The following PRDM16 variants were observed in gnomAD, a reference collection of about 807,000 sequenced individuals.
PRDM16 encodes histone-lysine N-methyltransferase PRDM16.
A neutral mutation model predicts 110.6 loss-of-function variants in PRDM16; 23 were observed. The observed-to-expected ratio is 0.21, with a 90% confidence interval of 0.15 to 0.29. The LOEUF is 0.29. Ranked by LOEUF, PRDM16 falls within the 10% of genes least tolerant of loss-of-function variation. The pLI, the probability that PRDM16 is intolerant of heterozygous loss-of-function variation, is 1.00. For missense variants in PRDM16, 1,615 were observed against 1,794.3 expected (o/e 0.90, Z 1.81); for synonymous variants, 799 against 781.8 (o/e 1.02, Z -0.37).
At chr1:3,272,868 A>T (rs1225492756) in intron 3 of PRDM16, among the ~76,000 whole-genome samples, 1 of 152,164 alleles carries the variant, frequency 6.6e-6, no homozygotes, top group African/African-American at 2.4e-5. Context: ...GGGGACACAG[A>T]GGCCTGGTGG....
intron 3 of PRDM16, among the ~76,000 whole-genome samples, chr1:3,376,051 T>C (rs1379044763): frequency 6.6e-6 from 1 of 152,010 alleles, no homozygotes; most frequent in Non-Finnish European, 1.5e-5. Flanking sequence ...GGGGAGATGG[T>C]CAGTGCACCC....
At chr1:3,387,143 A>G (rs1476990449) in intron 4 of PRDM16, among the ~76,000 whole-genome samples, 1 of 152,162 alleles carries the variant, frequency 6.6e-6, no homozygotes, top group African/African-American at 2.4e-5. Context: ...GCCAGGATGG[A>G]AGAATGATCC....
intron 1 of PRDM16, among the ~76,000 whole-genome samples, chr1:3,114,488 G>A (rs376872048): frequency 5.5e-4 from 79 of 142,600 alleles, no homozygotes; most frequent in African/African-American, 1.6e-3. Flanking sequence ...AGACACGCAC[G>A]CACGCACACA....
chr1:3,418,096 G>A (rs556676589), intron 11 of PRDM16, 99 bp downstream of exon 11: 17 of 1,022,458 alleles, frequency 1.7e-5, no homozygotes, highest in African/African-American at 8.1e-5. Flanking sequence ...TCAGAGTCCC[G>A]GCCATAGGAA....
In PRDM16 at chr1:3,370,794, C is replaced by A. The variant is rs565601143; in HGVS notation, c.439-14358C>A. Among the ~76,000 whole-genome samples the A allele has an allele frequency of 6.6e-6, 1 of 152,284 alleles. No individual in the cohort carries two copies. Among genetic ancestry groups the A allele is most frequent in the Admixed American group, 6.5e-5 (1 of 15,296 alleles). Reference sequence around the variant, plus strand: ...TTGAGGGGAGGGTCTGCTCCCCATCCATCCATCCACTCATTTATTAATCCA... The same window carrying A: ...TTGAGGGGAGGGTCTGCTCCCCATCAATCCATCCACTCATTTATTAATCCA... On this transcript the variant is annotated intron_variant, in intron 3 of 16. Coordinates refer to ENST00000270722, the MANE Select transcript of PRDM16 (RefSeq NM_022114.4). The surrounding 1 kb of genome is among the most constrained non-coding windows in gnomAD (Gnocchi z 4.8).
At chr1:3,164,691 G>C (rs1006982308) in intron 1 of PRDM16, among the ~76,000 whole-genome samples, 7 of 152,136 alleles carry the variant, frequency 4.6e-5, no homozygotes, top group Non-Finnish European at 1.0e-4. Context: ...GTGGTCGAGC[G>C]AGGTGACCTG....
chr1:3,270,082 A>AGAGGATGACAGTCAGG (rs1014729352), intron 3 of PRDM16, among the ~76,000 whole-genome samples: 5 of 150,104 alleles, frequency 3.3e-5, no homozygotes, highest in Non-Finnish European at 5.9e-5. Flanking sequence ...GGACAGTCCC[A>AGAGGATGACAGTCAGG]GAGGATGACA....
chr1:3,231,366 T>C (rs2100886026), intron 2 of PRDM16, among the ~76,000 whole-genome samples: 1 of 90,354 alleles, frequency 1.1e-5, no homozygotes, highest in Middle Eastern at 5.6e-3. Context: ...CGTTGCTGTT[T>C]GCATCTTCCC....
chr1:3,128,807 G>A (rs1016716537), intron 1 of PRDM16, among the ~76,000 whole-genome samples: 1 of 152,244 alleles, frequency 6.6e-6, no homozygotes, highest in Non-Finnish European at 1.5e-5. Flanking sequence ...CCTGAAGAGT[G>A]GACAGCTATC....
In PRDM16 at chr1:3,128,945, T is replaced by G. The variant is rs377023612; in HGVS notation, c.38-57180T>G. On this transcript the variant is annotated intron_variant, in intron 1 of 16. Coordinates refer to ENST00000270722, the MANE Select transcript of PRDM16 (RefSeq NM_022114.4). ...GGCCGGCAGCCTTGGTTTCTTCATCTGGGAAGTGGGAGCGACTGTGCAGAT... is the reference window on the plus strand; with the variant it reads ...GGCCGGCAGCCTTGGTTTCTTCATCGGGGAAGTGGGAGCGACTGTGCAGAT... Among the ~76,000 whole-genome samples the G allele has an allele frequency of 1.5e-3, 233 of 152,262 alleles. 6 individuals carry two copies. In the South Asian group the frequency reaches 0.046, roughly 30 times the overall value.
chr1:3,243,973 G>C lies in PRDM16; in HGVS notation c.388-114G>C. ...ATTTCCTGCTGTGGAGAAGCCACTG[G>C]GTCCCACCCTGTGACTTTTGGGGAC... is the stretch of plus-strand genomic sequence containing the variant. On this transcript the variant is annotated intron_variant, in intron 2 of 16. Coordinates refer to ENST00000270722, the MANE Select transcript of PRDM16 (RefSeq NM_022114.4). The surrounding 1 kb of genome is among the most constrained non-coding windows in gnomAD (Gnocchi z 5.5). The C allele has an allele frequency of 9.9e-7, 1 of 1,015,176 alleles. No homozygotes were observed. Among genetic ancestry groups the C allele is most frequent in the African/African-American group, 1.6e-5 (1 of 63,530 alleles). 62.9% of individuals were successfully genotyped at this position (1,015,176 alleles called of 1,614,324 possible). A position where few individuals can be genotyped will look rare whatever the true frequency, so the allele number is the denominator to read the frequency against.
chr1:3,367,902 C>T (rs1642843678), intron 3 of PRDM16, among the ~76,000 whole-genome samples: 1 of 152,170 alleles, frequency 6.6e-6, no homozygotes, highest in Non-Finnish European at 1.5e-5. Flanking sequence ...ACTCTTTGTA[C>T]TTTAAAAAAT....
chr1:3,409,790 GT>G lies in PRDM16; in HGVS notation c.1187-1593del, dbSNP rs1643641915. 6.1e-5 allele frequency among the ~76,000 whole-genome samples: 9 copies of G among 148,344 alleles called. No homozygotes were observed. The South Asian group carries it at 1.4e-3, about 24-fold the overall frequency. ...GTGTGGTTGTGTGTGGGTGTGTGGT[GT>G]GGGTGTGTGTGGTGTATGTGTGCAT... On this transcript the variant is annotated intron_variant, in intron 8 of 16. Coordinates refer to ENST00000270722, the MANE Select transcript of PRDM16 (RefSeq NM_022114.4).
At chr1:3,330,750 C>T (rs1010732272) in intron 3 of PRDM16, among the ~76,000 whole-genome samples, 2 of 152,216 alleles carry the variant, frequency 1.3e-5, no homozygotes, top group African/African-American at 4.8e-5. Context: ...GCAGTCATCA[C>T]GACAGAGCCT....
chr1:3,414,431 C>T (rs1557663463), intron 9 of PRDM16, 129 bp from the exon 10 acceptor site: 3 of 679,922 alleles, frequency 4.4e-6, no homozygotes, highest in South Asian at 1.8e-5. Flanking sequence ...GCAGCCACGG[C>T]GAGGTCCACA....
intron 1 of PRDM16, among the ~76,000 whole-genome samples, chr1:3,135,068 AG>A (rs1643409570): frequency 6.6e-6 from 1 of 152,180 alleles, no homozygotes; most frequent in African/African-American, 2.4e-5. Flanking sequence ...CCCCCGGGTC[AG>A]GGGCTTCTGG....
At chr1:3,407,771 A>G (rs376294165) in intron 8 of PRDM16, among the ~76,000 whole-genome samples, 39 of 152,288 alleles carry the variant, frequency 2.6e-4, no homozygotes, top group African/African-American at 9.1e-4. Flanking sequence ...TTCCCACCAC[A>G]CTGCAGGCTG....
intron 1 of PRDM16, among the ~76,000 whole-genome samples, chr1:3,137,448 G>A (rs1183386385): frequency 6.6e-6 from 1 of 152,218 alleles, no homozygotes; most frequent in Non-Finnish European, 1.5e-5. Context: ...TCCTTTGCAT[G>A]TTTCTTCCTA....
rs1392380246 is a variant in PRDM16 at position 3,118,114 on chromosome 1, CGTGTGCGT to C, written c.37+48831_37+48838del. On this transcript the variant is annotated intron_variant, in intron 1 of 16. Coordinates refer to ENST00000270722, the MANE Select transcript of PRDM16 (RefSeq NM_022114.4). ...ATGTGTGTACATGCATGTGTGTGTG[CGTGTGCGT>C]GTGTGCGTGTGTACATGCATGTGTG... 2.0e-3 allele frequency among the ~76,000 whole-genome samples: 262 copies of C among 127,824 alleles called. 2 individuals are homozygous for C. Among genetic ancestry groups the C allele is most frequent in the African/African-American group, 6.3e-3 (228 of 36,048 alleles). 83.9% of individuals were successfully genotyped at this position (127,824 alleles called of 152,430 possible).
Sources: allele counts gnomAD v4.1 joint callset (sites outside exome capture counted in the v4.1 genomes callset), GRCh38; gene constraint gnomAD v4.1.1; non-coding constraint Gnocchi (gnomAD v3.1); transcripts MANE v1.5; gene names NCBI Gene and HGNC (gene_info 2026-07-23, HGNC 2026-07-21).